KCNA6: variants seen among roughly 807,000 people sequenced by gnomAD.
KCNA6 encodes potassium voltage-gated channel subfamily A member 6.
A neutral mutation model predicts 29.5 loss-of-function variants in KCNA6; 17 were observed. That is an observed-to-expected ratio of 0.58 (90% CI 0.39 to 0.86). The LOEUF is 0.86. Ranked by LOEUF, KCNA6 falls within the 40% of genes least tolerant of loss-of-function variation. The pLI, the probability that KCNA6 is intolerant of heterozygous loss-of-function variation, is 0.00. For synonymous variants in KCNA6, 296 were observed against 304.7 expected, an observed-to-expected ratio of 0.97 and a Z score of 0.30; for missense variants, 450 against 703.4, an observed-to-expected ratio of 0.64 and a Z score of 4.07.
chr12:4,849,042 C>T, the KCNA6 span, among the ~76,000 whole-genome samples: 1 of 27,080 alleles, frequency 3.7e-5, no homozygotes, highest in East Asian at 4.0e-4. Context: ...ATCATTTGAA[C>T]CCCGGGAGTC....
At chr12:4,830,883 C>G in the KCNA6 span, among the ~76,000 whole-genome samples, 2 of 152,246 alleles carry the variant, frequency 1.3e-5, no homozygotes, top group African/African-American at 4.8e-5. Context: ...ACCTACCTAC[C>G]TATTCAGCAG....
chr12:4,811,106 C>T lies in KCNA6; in HGVS notation c.1065C>T (p.Leu355=). ...TCCGGGTGTTCCGCATCTTCAAGCT[C>T]TCCCGCCACTCCAAGGGGCTGCAGA... is the stretch of plus-strand genomic sequence containing the variant. The change falls in exon 1 of 1, where the codon CTC becomes CTT. Residue 355 remains leucine (L), a synonymous_variant. Transcript: ENST00000280684. The surrounding 1 kb of genome is among the most constrained non-coding windows in gnomAD (Gnocchi z 7.1). 6.2e-7 allele frequency: 1 copy of T among 1,612,720 alleles called. No individual in the cohort carries two copies. The highest frequency in any genetic ancestry group is 2.2e-5 in the East Asian group (1 of 44,846).
At chr12:4,815,280 G>C (rs927539276), downstream of KCNA6, among the ~76,000 whole-genome samples, 1 of 152,154 alleles carries the variant, frequency 6.6e-6, no homozygotes, top group Non-Finnish European at 1.5e-5. Context: ...TCTGCAGCAG[G>C]AGTATTCCAC....
chr12:4,829,957 C>T, the KCNA6 span, among the ~76,000 whole-genome samples: 7,427 of 152,270 alleles, frequency 0.049, 316 homozygotes, highest in East Asian at 0.22. Flanking sequence ...GCAGCTGTTC[C>T]CTACTTGGCT....
At chr12:4,846,845 C>G in the KCNA6 span, among the ~76,000 whole-genome samples, 19 of 145,126 alleles carry the variant, frequency 1.3e-4, no homozygotes, top group African/African-American at 4.1e-4. Context: ...ATGGTGCTAT[C>G]TCAGCTCACT....
chr12:4,845,984 G>GTTT, the KCNA6 span, among the ~76,000 whole-genome samples: 1,775 of 129,442 alleles, frequency 0.014, 53 homozygotes, highest in African/African-American at 0.035. Context: ...GAATTTTAGA[G>GTTT]TTTTTTTTTT....
At chr12:4,836,845 C>T in the KCNA6 span, among the ~76,000 whole-genome samples, 13 of 152,182 alleles carry the variant, frequency 8.5e-5, no homozygotes, top group African/African-American at 2.9e-4. Flanking sequence ...CCGGGTGGCT[C>T]GCCTAGGAGA....
the KCNA6 span, among the ~76,000 whole-genome samples, chr12:4,833,242 C>G: frequency 6.6e-6 from 1 of 152,168 alleles, no homozygotes; most frequent in Non-Finnish European, 1.5e-5. Context: ...GCAATTTTGG[C>G]TGGGCTCAGC....
the KCNA6 span, among the ~76,000 whole-genome samples, chr12:4,823,766 C>CAAAT: frequency 6.6e-6 from 1 of 151,982 alleles, no homozygotes; most frequent in African/African-American, 2.4e-5. Flanking sequence ...GACTCCATCT[C>CAAAT]AAATAAATAA....
chr12:4,819,109 C>T, the KCNA6 span, among the ~76,000 whole-genome samples: 2 of 152,178 alleles, frequency 1.3e-5, no homozygotes, highest in South Asian at 2.1e-4. Flanking sequence ...CATATACCCA[C>T]GTATATACAC....
chr12:4,839,178 T>C, the KCNA6 span: 1 of 152,212 alleles, frequency 6.6e-6, no homozygotes, highest in Admixed American at 6.5e-5. Flanking sequence ...AAATTGAATG[T>C]AGTTGACCTG....
chr12:4,850,976 G>A, the KCNA6 span: 7 of 356,872 alleles, frequency 2.0e-5, no homozygotes, highest in African/African-American at 1.3e-4. The surrounding 1 kb of genome is among the most constrained non-coding windows in gnomAD (Gnocchi z 5.4). Context: ...GGAACAGGGT[G>A]AAAGCTGGTG....
At chr12:4,827,791 C>G in the KCNA6 span, among the ~76,000 whole-genome samples, 1 of 152,212 alleles carries the variant, frequency 6.6e-6, no homozygotes, top group Non-Finnish European at 1.5e-5. Context: ...CAAGGTCCTG[C>G]TGCTTTTCGG....
chr12:4,811,737 C>T lies in KCNA6; in HGVS notation c.*106C>T, dbSNP rs990654550. On this transcript the variant is annotated 3_prime_UTR_variant, in exon 1 of 1. Coordinates refer to ENST00000280684, the Ensembl canonical transcript of KCNA6. This position sits in a 1 kb window ranked among gnomAD's most constrained non-coding sequence, Gnocchi z 7.1. Reference sequence around the variant, plus strand: ...TAGCTTCAGTTGACTTCTTGACTCTCTCCCCTACACCCACTACCTGGCATC... The same window carrying T: ...TAGCTTCAGTTGACTTCTTGACTCTTTCCCCTACACCCACTACCTGGCATC... The T allele has an allele frequency of 2.5e-5, 33 of 1,320,456 alleles. No individual in the cohort carries two copies. In the African/African-American group the frequency reaches 4.7e-4, roughly 19 times the overall value. The allele number at this position is 1,320,456 out of a possible 1,614,324, so 81.8% of individuals were successfully genotyped here. A position where few individuals can be genotyped will look rare whatever the true frequency, so the allele number is the denominator to read the frequency against.
chr12:4,832,043 C>T, the KCNA6 span, among the ~76,000 whole-genome samples: 1 of 152,144 alleles, frequency 6.6e-6, no homozygotes, highest in East Asian at 1.9e-4. Flanking sequence ...AGTAATAGCT[C>T]TCTCCTTCCT....
chr12:4,839,124 C>G, the KCNA6 span: 1 of 152,308 alleles, frequency 6.6e-6, no homozygotes, highest in South Asian at 2.1e-4. Context: ...GCATTGAACT[C>G]AAAAGCTTAA....
chr12:4,834,700 T>C, the KCNA6 span, among the ~76,000 whole-genome samples: 2 of 152,168 alleles, frequency 1.3e-5, no homozygotes, highest in Non-Finnish European at 2.9e-5. Flanking sequence ...TACCTGCAAT[T>C]CAGGGCTCTC....
chr12:4,811,950 C>A lies in KCNA6; in HGVS notation c.*319C>A, dbSNP rs1055371662. 42 of 310,712 alleles carry A rather than the reference C, an allele frequency of 1.4e-4. No individual in the cohort carries two copies. Among genetic ancestry groups the A allele is most frequent in the African/African-American group, 8.4e-4 (39 of 46,586 alleles). The allele number at this position is 310,712 out of a possible 1,614,324, so 19.2% of individuals were successfully genotyped here. On this transcript the variant is annotated 3_prime_UTR_variant, in exon 1 of 1. Coordinates refer to ENST00000280684, the Ensembl canonical transcript of KCNA6. This position sits in a 1 kb window ranked among gnomAD's most constrained non-coding sequence, Gnocchi z 7.1. ...ACTGATTTTTCATGTCTGGGACTTA[C>A]AATATCTCAAGGAACAGCAATGTCA...
chr12:4,826,963 T>C, the KCNA6 span, among the ~76,000 whole-genome samples: 1 of 152,202 alleles, frequency 6.6e-6, no homozygotes, highest in African/African-American at 2.4e-5. Flanking sequence ...TGTCAAGCAA[T>C]GATAAACGTC....
Sources: gnomAD v4.1 joint callset for allele counts (sites outside exome capture counted in the v4.1 genomes callset) on GRCh38, gnomAD v4.1.1 for gene constraint, Gnocchi (gnomAD v3.1) non-coding constraint, MANE v1.5 for transcripts, NCBI Gene and HGNC (gene_info 2026-07-23, HGNC 2026-07-21) for gene names.